Variants in RASA3 observed in about 807,000 individuals in gnomAD.
RASA3 encodes the protein ras GTPase-activating protein 3.
RASA3 carries 73 observed loss-of-function variants against 110.0 expected under a neutral mutation model. The observed-to-expected ratio is 0.66, with a 90% confidence interval of 0.55 to 0.81. The LOEUF (loss-of-function observed/expected upper bound fraction) is 0.81. Ranked by LOEUF, RASA3 falls within the 30% of genes least tolerant of loss-of-function variation. The probability of loss-of-function intolerance (pLI) is 0.00; values close to 1 mark genes in which losing one functional copy is unlikely to be tolerated. For missense variants in RASA3, 976 were observed against 1,113.2 expected (o/e 0.88, Z 1.75); for synonymous variants, 500 against 451.4 (o/e 1.11, Z -1.37).
rs1408914050 is a variant in RASA3 at position 114,028,039 on chromosome 13, C to T, written c.450-112G>A. On this transcript the variant is annotated intron_variant, in intron 5 of 23. Coordinates refer to ENST00000334062, the MANE Select transcript of RASA3 (RefSeq NM_007368.4). ...GAGTTCAAGCTGTGAGATGAGGTTT[C>T]CTCACCGGAAGGCAGGGAGGGCCAC... The T allele has an allele frequency of 5.8e-6, 5 of 865,748 alleles. No homozygotes were observed. In the African/African-American group the frequency reaches 8.4e-5, roughly 15 times the overall value. 53.6% of individuals were successfully genotyped at this position (865,748 alleles called of 1,614,324 possible). A position where few individuals can be genotyped will look rare whatever the true frequency, so the allele number is the denominator to read the frequency against.
At chr13:114,034,029 C>T (rs1306086832) in intron 4 of RASA3, among the ~76,000 whole-genome samples, 1 of 152,172 alleles carries the variant, frequency 6.6e-6, no homozygotes, top group Admixed American at 6.5e-5. Flanking sequence ...CGCCTGGCAG[C>T]GGGCCTGCTA....
At chr13:114,031,769 T>C (rs1292704824) in intron 4 of RASA3, among the ~76,000 whole-genome samples, 1 of 152,222 alleles carries the variant, frequency 6.6e-6, no homozygotes, top group Non-Finnish European at 1.5e-5. Context: ...GCCCGGCCCT[T>C]AGCTCTAGCT....
Position 113,978,543 on chromosome 13 carries a change from G to A in RASA3, c.*804C>T, listed in dbSNP as rs2052831286. ...TTTTTAAAATCTTCAAACTTCCACG[G>A]GGGGTGGCAAATGTTAATTCTGATT... On this transcript the variant is annotated 3_prime_UTR_variant, in exon 24 of 24. Coordinates refer to ENST00000334062, the MANE Select transcript of RASA3 (RefSeq NM_007368.4). 3 of 152,154 alleles carry A rather than the reference G, an allele frequency of 2.0e-5. No individual in the cohort carries two copies. The highest frequency in any genetic ancestry group is 6.5e-5 in the Admixed American group (1 of 15,282). 9.4% of individuals were successfully genotyped at this position (152,154 alleles called of 1,614,324 possible).
At chr13:114,060,915 C>T (rs947759079) in intron 2 of RASA3, among the ~76,000 whole-genome samples, 2 of 151,912 alleles carry the variant, frequency 1.3e-5, no homozygotes, top group African/African-American at 2.4e-5. Context: ...CCTCCAAAGC[C>T]GGCAGACGGA....
At chr13:114,058,896 CTT>C (rs912281185) in intron 2 of RASA3, among the ~76,000 whole-genome samples, 3 of 152,212 alleles carry the variant, frequency 2.0e-5, no homozygotes, top group East Asian at 1.9e-4. Flanking sequence ...TCCCTAAGCT[CTT>C]TTAAATACCT....
chr13:114,073,580 T>C (rs9562109), intron 2 of RASA3, 140 bp downstream of exon 2: 1,166 of 579,604 alleles, frequency 2.0e-3, no homozygotes, highest in African/African-American at 5.7e-3. Flanking sequence ...ATTCCCTACA[T>C]GCGGGAAAAC....
intron 14 of RASA3, among the ~76,000 whole-genome samples, chr13:114,013,676 GTCTCTCTCCCTATCTCTGTCTCTCTC>G (rs2053702976): frequency 1.4e-5 from 1 of 69,758 alleles, no homozygotes; most frequent in Non-Finnish European, 2.6e-5. Flanking sequence ...CCCTCTCCCT[GTCTCTCTCCCTATCTCTGTCTCTCTC>G]TCTCTCTCCC....
In RASA3 at chr13:114,024,345, G is replaced by C. The variant is rs1376875349; in HGVS notation, c.614C>G (p.Pro205Arg). The part of the protein sequence containing the change: ...DEVFYFEVTR[P>R]CSYSKKSHFD... ...GTGGGACTTCTTGCTGTAGCTACAGGGCCGGGTCACCTGGAGTCAGACGAG... is the reference window on the plus strand; with the variant it reads ...GTGGGACTTCTTGCTGTAGCTACAGCGCCGGGTCACCTGGAGTCAGACGAG... The change falls in exon 8 of 24, where the codon CCC becomes CGC. Residue 205 changes from proline to arginine, a missense_variant. Around this residue, in one of 4 missense-constraint regions of RASA3, gnomAD observed 732 missense variants for 779.7 expected, o/e 0.94. Transcript: ENST00000334062. 6.2e-7 allele frequency: 1 copy of C among 1,613,756 alleles called. No individual in the cohort carries two copies. The highest frequency in any genetic ancestry group is 1.1e-5 in the South Asian group (1 of 91,074).
intron 1 of RASA3, among the ~76,000 whole-genome samples, chr13:114,117,681 GA>G (rs1270452939): frequency 1.5e-5 from 2 of 137,564 alleles, no homozygotes; most frequent in African/African-American, 5.5e-5. Flanking sequence ...GCACGTGTGT[GA>G]GGGGTGCATG....
chr13:114,089,589 CCAGCCCTGCACGGACAT>C (rs1476324893), intron 1 of RASA3, among the ~76,000 whole-genome samples: 1 of 152,076 alleles, frequency 6.6e-6, no homozygotes. Flanking sequence ...CAGGCCTGGG[CCAGCCCTGCACGGACAT>C]CAGCCCTGCA....
Position 114,011,373 on chromosome 13 carries a change from G to GA in RASA3, c.1513-126dup. 1.2e-6 allele frequency: 1 copy of GA among 834,832 alleles called. No homozygotes were observed. The highest frequency in any genetic ancestry group is 2.0e-6 in the Non-Finnish European group (1 of 506,342). 51.7% of individuals were successfully genotyped at this position (834,832 alleles called of 1,614,324 possible). ...CTGTGGCTTGTGCATGAGCTACGGA[G>GA]AAACAGGGGTAGCGACGCAGATGGG... On this transcript the variant is annotated intron_variant, in intron 15 of 23. Transcript: ENST00000334062. The surrounding 1 kb of genome is among the most constrained non-coding windows in gnomAD (Gnocchi z 4.8).
At chr13:114,070,885 G>A (rs1230615741) in intron 2 of RASA3, among the ~76,000 whole-genome samples, 57 of 133,588 alleles carry the variant, frequency 4.3e-4, no homozygotes, top group Non-Finnish European at 5.7e-4. Context: ...GGCTGCCGGC[G>A]TCCACGCTAA....
At chr13:114,050,098 G>T (rs1273944210) in intron 3 of RASA3, among the ~76,000 whole-genome samples, 1 of 152,244 alleles carries the variant, frequency 6.6e-6, no homozygotes, top group Non-Finnish European at 1.5e-5. Context: ...CTGGTCAGAG[G>T]GAGAGAGGAA....
chr13:114,080,092 G>A (rs1353866160), intron 1 of RASA3, among the ~76,000 whole-genome samples: 3 of 152,224 alleles, frequency 2.0e-5, no homozygotes, highest in African/African-American at 4.8e-5. Context: ...GAGGGCAGAC[G>A]GCACCTGCTC....
intron 3 of RASA3, among the ~76,000 whole-genome samples, chr13:114,050,634 A>G (rs2079129271): frequency 6.6e-6 from 1 of 152,242 alleles, no homozygotes; most frequent in East Asian, 1.9e-4. Context: ...CCAGGCAGAG[A>G]GCAAGACTGG....
intron 1 of RASA3, among the ~76,000 whole-genome samples, chr13:114,082,496 G>A (rs2139697320): frequency 6.6e-6 from 1 of 152,340 alleles, no homozygotes; most frequent in South Asian, 2.1e-4. Flanking sequence ...TGTGCTCCGA[G>A]GCTCCGAGGC....
chr13:114,016,088 G>T, intron 13 of RASA3, 109 bp downstream of exon 13: 1 of 965,732 alleles, frequency 1.0e-6, no homozygotes, highest in Non-Finnish European at 1.6e-6. Context: ...GCCTGGTCCT[G>T]CTCCCACCCC....
chr13:114,067,922 C>T (rs773379417), intron 2 of RASA3, among the ~76,000 whole-genome samples: 15 of 152,242 alleles, frequency 9.9e-5, no homozygotes, highest in Non-Finnish European at 1.8e-4. Context: ...ACAAGAACTC[C>T]CCCATAATTC....
intron 3 of RASA3, among the ~76,000 whole-genome samples, chr13:114,041,886 G>A (rs1004990320): frequency 1.3e-5 from 2 of 151,524 alleles, no homozygotes; most frequent in Non-Finnish European, 2.9e-5. Context: ...TCTCCAGACG[G>A]AGGAGAACAG....
Sources: gnomAD v4.1 joint callset for allele counts (sites outside exome capture counted in the v4.1 genomes callset) on GRCh38, gnomAD v4.1.1 for gene constraint, gnomAD v4.1.1 regional missense constraint, Gnocchi (gnomAD v3.1) non-coding constraint, MANE v1.5 for transcripts, NCBI Gene and HGNC (gene_info 2026-07-23, HGNC 2026-07-21) for gene names.